Variants in ALK observed in about 807,000 individuals in gnomAD.
The protein encoded by ALK is ALK tyrosine kinase receptor.
In ALK, 74 loss-of-function variants were observed where a neutral mutation model predicts 163.1. The observed-to-expected ratio is 0.45, with a 90% CI of 0.38 to 0.55. ALK has a LOEUF of 0.55. Among genes scored for constraint, ALK ranks in the 20% least tolerant of loss-of-function variants. The pLI is 0.00. For synonymous variants in ALK, 960 were observed against 843.2 expected (o/e 1.14, Z -2.40); for missense variants, 2,063 against 2,105.3 (o/e 0.98, Z 0.39).
chr2:29,315,354 G>T (rs748351632), intron 8 of ALK, among the ~76,000 whole-genome samples: 1 of 152,058 alleles, frequency 6.6e-6, no homozygotes, highest in Non-Finnish European at 1.5e-5. Flanking sequence ...CATCATGGGG[G>T]GCTCCTGACC....
chr2:29,252,182 C>G (rs538609181), intron 11 of ALK, among the ~76,000 whole-genome samples: 19 of 150,632 alleles, frequency 1.3e-4, no homozygotes, highest in Admixed American at 4.6e-4. Flanking sequence ...CCCCCCACCC[C>G]CCGCGGGCCA....
chr2:29,299,062 G>T (rs1471753627), intron 8 of ALK, among the ~76,000 whole-genome samples: 1 of 152,178 alleles, frequency 6.6e-6, no homozygotes, highest in Non-Finnish European at 1.5e-5. Flanking sequence ...GGATGTAACT[G>T]CTGCCGCTAG....
chr2:29,817,513 C>T (rs1050626579), intron 1 of ALK, among the ~76,000 whole-genome samples: 2 of 152,068 alleles, frequency 1.3e-5, no homozygotes, highest in African/African-American at 4.8e-5. Flanking sequence ...GGAGGGGACC[C>T]GCAGGTTGGA....
intron 1 of ALK, among the ~76,000 whole-genome samples, chr2:29,784,780 T>C (rs1402010518): frequency 6.6e-6 from 1 of 152,166 alleles, no homozygotes; most frequent in Admixed American, 6.5e-5. Context: ...GAAGCTATGA[T>C]TGAACCCAGG....
intron 3 of ALK, among the ~76,000 whole-genome samples, chr2:29,613,221 TGAGCCACAAAGAAGCCGA>T (rs1198410178): frequency 1.3e-5 from 2 of 152,250 alleles, no homozygotes; most frequent in African/African-American, 4.8e-5. Flanking sequence ...TTCGAATGCC[TGAGCCACAAAGAAGCCGA>T]GAGCTAAATT....
At position 29,227,569 on chromosome 2, in the gene ALK, G is replaced by A. The variant is rs750459441; in HGVS notation, c.2914+5C>T. 6 of 1,611,616 alleles carry A rather than the reference G, an allele frequency of 3.7e-6. No homozygotes were observed. The highest frequency in any genetic ancestry group is 3.3e-5 in the Admixed American group (2 of 60,006). Reference sequence around the variant, plus strand: ...GTTTGTTCTGCTGCCTGGCAGAGAAGCTACCTTTTAAAGCTGGGGTGTACA... The same window carrying A: ...GTTTGTTCTGCTGCCTGGCAGAGAAACTACCTTTTAAAGCTGGGGTGTACA... On this transcript the variant is annotated splice_donor_5th_base_variant and intron_variant, in intron 17 of 28. Transcript: ENST00000389048. This position sits in a 1 kb window ranked among gnomAD's most constrained non-coding sequence, Gnocchi z 4.4.
At chr2:29,409,614 G>A (rs1277385414) in intron 4 of ALK, among the ~76,000 whole-genome samples, 1 of 152,156 alleles carries the variant, frequency 6.6e-6, no homozygotes, top group Non-Finnish European at 1.5e-5. Flanking sequence ...AGATGCCATT[G>A]GACCTCCAGC....
intron 5 of ALK, among the ~76,000 whole-genome samples, chr2:29,370,490 G>T (rs1668612912): frequency 6.6e-6 from 1 of 152,130 alleles, no homozygotes; most frequent in Non-Finnish European, 1.5e-5. Context: ...AGATAATCAG[G>T]GCCCTTGTCC....
intron 3 of ALK, among the ~76,000 whole-genome samples, chr2:29,545,246 C>T (rs1673523974): frequency 6.6e-6 from 1 of 152,158 alleles, no homozygotes; most frequent in Admixed American, 6.5e-5. Context: ...CTTAGATGGC[C>T]TCACCATGGC....
intron 4 of ALK, among the ~76,000 whole-genome samples, chr2:29,444,234 G>A (rs545078598): frequency 2.6e-4 from 40 of 152,296 alleles, no homozygotes; most frequent in African/African-American, 8.9e-4. Flanking sequence ...TTGGCTTGAG[G>A]TGGTTGAGGG....
chr2:29,681,203 A>G (rs1678056942), intron 3 of ALK: 3 of 152,212 alleles, frequency 2.0e-5, no homozygotes, highest in Admixed American at 2.0e-4. Flanking sequence ...ATTGATGCCA[A>G]ACTTAGTGCA....
intron 1 of ALK, among the ~76,000 whole-genome samples, chr2:29,718,315 A>G (rs973524368): frequency 2.6e-5 from 4 of 152,242 alleles, no homozygotes; most frequent in Non-Finnish European, 5.9e-5. Flanking sequence ...AAAGCAGCAG[A>G]GAAGCATTAT....
chr2:29,523,924 G>A (rs541364142), intron 4 of ALK, among the ~76,000 whole-genome samples: 1 of 125,676 alleles, frequency 8.0e-6, no homozygotes, highest in East Asian at 2.3e-4. Flanking sequence ...GTGAGTAAAA[G>A]TTGTACCTGC....
intron 4 of ALK, among the ~76,000 whole-genome samples, chr2:29,465,379 T>G (rs889888877): frequency 6.6e-6 from 1 of 152,154 alleles, no homozygotes; most frequent in African/African-American, 2.4e-5. Context: ...CAAAATTCTA[T>G]AGGGACTTTC....
At chr2:29,423,237 A>G (rs1356372660) in intron 4 of ALK, among the ~76,000 whole-genome samples, 1 of 152,206 alleles carries the variant, frequency 6.6e-6, no homozygotes, top group Non-Finnish European at 1.5e-5. Flanking sequence ...AGGAGAAACA[A>G]GGGGGAGGAG....
intron 5 of ALK, among the ~76,000 whole-genome samples, chr2:29,376,786 T>C (rs998099260): frequency 1.3e-5 from 2 of 152,248 alleles, no homozygotes; most frequent in Non-Finnish European, 1.5e-5. Context: ...TTTTGGAGCC[T>C]ACTCTAGATG....
At chr2:29,314,463 G>A (rs1378622953) in intron 8 of ALK, among the ~76,000 whole-genome samples, 1 of 152,110 alleles carries the variant, frequency 6.6e-6, no homozygotes, top group Non-Finnish European at 1.5e-5. Flanking sequence ...AGATCCCAGA[G>A]GGTGTGTGCA....
intron 1 of ALK, among the ~76,000 whole-genome samples, chr2:29,916,730 C>T (rs1667844986): frequency 6.6e-6 from 1 of 152,200 alleles, no homozygotes; most frequent in Admixed American, 6.5e-5. Flanking sequence ...GGCCTCCTAT[C>T]CCATGAGTCA....
chr2:29,436,639 T>C (rs1262053662), intron 4 of ALK, among the ~76,000 whole-genome samples: 2 of 152,176 alleles, frequency 1.3e-5, no homozygotes, highest in Admixed American at 6.5e-5. Flanking sequence ...GCTATCATAT[T>C]GATGTTCGCT....
Sources: allele counts gnomAD v4.1 joint callset (sites outside exome capture counted in the v4.1 genomes callset), GRCh38; gene constraint gnomAD v4.1.1; non-coding constraint Gnocchi (gnomAD v3.1); transcripts MANE v1.5; gene names NCBI Gene and HGNC (gene_info 2026-07-23, HGNC 2026-07-21).